Variants in MXRA7 observed in about 807,000 individuals in gnomAD.
MXRA7 encodes the protein matrix remodeling associated 7.
MXRA7 carries 18 observed loss-of-function variants against 17.4 expected under a neutral mutation model. The ratio of observed to expected loss-of-function variants is 1.03; its 90% CI spans 0.71 to 1.53. The LOEUF (loss-of-function observed/expected upper bound fraction) is 1.53. MXRA7 is among the 40% of genes most tolerant of loss of function. MXRA7 has a pLI of 0.00. For missense variants in MXRA7, 141 were observed against 209.3 expected, an observed-to-expected ratio of 0.67 and a Z score of 2.01; for synonymous variants, 70 against 101.7, an observed-to-expected ratio of 0.69 and a Z score of 1.87.
At chr17:76,706,011 G>A (rs1214697998) in intron 1 of MXRA7, among the ~76,000 whole-genome samples, 1 of 149,690 alleles carries the variant, frequency 6.7e-6, no homozygotes, top group African/African-American at 2.5e-5. Flanking sequence ...CATCACAGAG[G>A]ACCACACTGC....
chr17:76,680,806 C>G lies in MXRA7; in HGVS notation c.*61G>C. ...CTCCTCTCTGGGGTTTCCGTTTTAT[C>G]TCTCAAGCTTTTAAGATGCCAAAAG... On this transcript the variant is annotated 3_prime_UTR_variant, in exon 4 of 4. Transcript: ENST00000449428. 6.3e-7 allele frequency: 1 copy of G among 1,587,904 alleles called. No individual in the cohort carries two copies. Among genetic ancestry groups the G allele is most frequent in the South Asian group, 1.2e-5 (1 of 86,900 alleles).
chr17:76,697,184 G>C (rs1300398688), intron 1 of MXRA7, among the ~76,000 whole-genome samples: 1 of 152,176 alleles, frequency 6.6e-6, no homozygotes, highest in Non-Finnish European at 1.5e-5. Flanking sequence ...CTAACCCAAG[G>C]ACTGCTGTCC....
chr17:76,703,984 A>C (rs937539754), intron 1 of MXRA7, among the ~76,000 whole-genome samples: 3 of 150,634 alleles, frequency 2.0e-5, no homozygotes, highest in African/African-American at 2.4e-5. Flanking sequence ...CTGTAATCCC[A>C]GCTACTCAGG....
intron 1 of MXRA7, among the ~76,000 whole-genome samples, chr17:76,696,122 G>A (rs2076530846): frequency 6.6e-6 from 1 of 152,114 alleles, no homozygotes; most frequent in South Asian, 2.1e-4. Context: ...GAAAGAAACA[G>A]TGTGCAGAAA....
intron 1 of MXRA7, chr17:76,703,848 T>C (rs1179474024): frequency 6.6e-6 from 1 of 152,108 alleles, no homozygotes; most frequent in East Asian, 1.9e-4. Context: ...CATTTGAAGA[T>C]AAACAACTTC....
intron 3 of MXRA7, among the ~76,000 whole-genome samples, chr17:76,683,057 C>A (rs2076329711): frequency 6.6e-6 from 1 of 152,190 alleles, no homozygotes; most frequent in Non-Finnish European, 1.5e-5. Flanking sequence ...GCAGTTTCAC[C>A]CCCAGCCGGA....
At chr17:76,693,358 G>A (rs2076497156) in intron 1 of MXRA7, among the ~76,000 whole-genome samples, 1 of 151,798 alleles carries the variant, frequency 6.6e-6, no homozygotes. Flanking sequence ...TCAGCTACTT[G>A]GGAGGCTGAG....
chr17:76,686,390 G>C (rs1264435340), intron 2 of MXRA7, among the ~76,000 whole-genome samples: 1 of 152,172 alleles, frequency 6.6e-6, no homozygotes, highest in Non-Finnish European at 1.5e-5. Context: ...TGAGGCAGGA[G>C]AATCGCTTGA....
intron 2 of MXRA7, among the ~76,000 whole-genome samples, chr17:76,686,285 C>A (rs1391917261): frequency 6.6e-6 from 1 of 152,162 alleles, no homozygotes; most frequent in Non-Finnish European, 1.5e-5. Context: ...TCGAGACCAA[C>A]CTGGCCAATG....
rs139429885 is a variant in MXRA7 at position 76,702,536 on chromosome 17, A to C, written c.342+8069T>G. Reference sequence around the variant, plus strand: ...AAATAAAAGAAGAAGAAGAAGAAGAAGACAAGTGGTCAGTTTTTAAAATCT... The same window carrying C: ...AAATAAAAGAAGAAGAAGAAGAAGACGACAAGTGGTCAGTTTTTAAAATCT... On this transcript the variant is annotated intron_variant, in intron 1 of 3. Transcript: ENST00000449428. Among the ~76,000 whole-genome samples the C allele has an allele frequency of 3.5e-4, 53 of 150,542 alleles. No homozygotes were observed. In the East Asian group the frequency reaches 5.7e-3, roughly 16 times the overall value.
At chr17:76,685,500 G>C (rs2076381398) in intron 2 of MXRA7, among the ~76,000 whole-genome samples, 1 of 152,198 alleles carries the variant, frequency 6.6e-6, no homozygotes, top group African/African-American at 2.4e-5. Context: ...ACTCCGGCAA[G>C]CAGAGCACAG....
intron 1 of MXRA7, among the ~76,000 whole-genome samples, chr17:76,695,382 C>T (rs1293748874): frequency 3.6e-5 from 2 of 55,000 alleles, no homozygotes; most frequent in Non-Finnish European, 8.2e-5. Context: ...GTGTGTGCAA[C>T]GGGATGGGAA....
Position 76,700,902 on chromosome 17 carries a change from G to A in MXRA7, c.342+9703C>T, listed in dbSNP as rs568688969. Among the ~76,000 whole-genome samples, 18 of 152,236 alleles carry A rather than the reference G, an allele frequency of 1.2e-4. No individual in the cohort carries two copies. The South Asian group carries it at 2.3e-3, about 19-fold the overall frequency. ...GGAGAGAGGTGAGGACCGACTGCGC[G>A]GAGGCTCAGGCAGGGAGGGGTGTGC... is the stretch of plus-strand genomic sequence containing the variant. On this transcript the variant is annotated intron_variant, in intron 1 of 3. Coordinates refer to ENST00000449428, the MANE Select transcript of MXRA7 (RefSeq NM_198530.4).
At chr17:76,688,002 C>CCCCCCAA in intron 2 of MXRA7, 111 bp downstream of exon 2, 2 of 838,578 alleles carry the variant, frequency 2.4e-6, no homozygotes, top group African/African-American at 1.6e-5. Context: ...GCCACTGTCC[C>CCCCCCAA]ACCCCATCCC....
At chr17:76,687,999 T>TGCCACC in intron 2 of MXRA7, 114 bp downstream of exon 2, 1 of 801,730 alleles carries the variant, frequency 1.2e-6, no homozygotes, top group Non-Finnish European at 2.0e-6. Flanking sequence ...CAGGCCACTG[T>TGCCACC]CCCACCCCAT....
intron 1 of MXRA7, among the ~76,000 whole-genome samples, chr17:76,694,301 A>T (rs1164479827): frequency 6.6e-6 from 1 of 152,114 alleles, no homozygotes; most frequent in African/African-American, 2.4e-5. Context: ...CCCCTGGACC[A>T]CGGTGTCCGC....
At chr17:76,696,767 G>GT (rs747241911) in intron 1 of MXRA7, among the ~76,000 whole-genome samples, 84 of 152,272 alleles carry the variant, frequency 5.5e-4, no homozygotes, top group Non-Finnish European at 1.1e-3. Context: ...ATGAATCCGT[G>GT]AAGGTGCGGC....
downstream of MXRA7, chr17:76,676,422 T>A (rs2143551380): frequency 6.6e-6 from 1 of 152,368 alleles, no homozygotes; most frequent in African/African-American, 2.4e-5. Flanking sequence ...GTACTATTGT[T>A]TAGTGCCAGG....
intron 1 of MXRA7, among the ~76,000 whole-genome samples, chr17:76,693,420 A>AGAT (rs2076497979): frequency 1.3e-5 from 2 of 148,256 alleles, no homozygotes; most frequent in Admixed American, 6.9e-5. Flanking sequence ...AGCTGAGATC[A>AGAT]CGCCACTGCA....
Sources: gnomAD v4.1 joint callset for allele counts (sites outside exome capture counted in the v4.1 genomes callset) on GRCh38, gnomAD v4.1.1 for gene constraint, MANE v1.5 for transcripts, NCBI Gene and HGNC (gene_info 2026-07-23, HGNC 2026-07-21) for gene names.